Variants in UNC79 observed in about 807,000 individuals in gnomAD.
UNC79 encodes the protein protein unc-79 homolog.
Under a neutral mutation model 283.1 loss-of-function variants are expected in UNC79, and 37 were observed. The ratio of observed to expected loss-of-function variants is 0.13; its 90% CI spans 0.10 to 0.17. The LOEUF (loss-of-function observed/expected upper bound fraction) is 0.17. UNC79 is among the 10% of genes least tolerant of loss of function. UNC79 has a pLI of 1.00. For missense variants in UNC79, 2,272 were observed against 3,211.1 expected, an observed-to-expected ratio of 0.71 and a Z score of 7.07; for synonymous variants, 1,107 against 1,200.2, an observed-to-expected ratio of 0.92 and a Z score of 1.61.
intron 30 of UNC79, among the ~76,000 whole-genome samples, chr14:93,629,443 A>G (rs1361591970): frequency 6.6e-6 from 1 of 152,186 alleles, no homozygotes; most frequent in African/African-American, 2.4e-5. Flanking sequence ...GACCTTTACT[A>G]TCTTAATGGC....
chr14:93,428,167 A>G (rs528429738), upstream of UNC79, among the ~76,000 whole-genome samples: 1 of 152,298 alleles, frequency 6.6e-6, no homozygotes, highest in South Asian at 2.1e-4. Context: ...CAGGTAGGGT[A>G]GTGAGGAAAT....
intron 7 of UNC79, among the ~76,000 whole-genome samples, chr14:93,501,519 C>T (rs1331408018): frequency 6.6e-6 from 1 of 151,950 alleles, no homozygotes; most frequent in African/African-American, 2.4e-5. Flanking sequence ...GAAACCCCAT[C>T]TCTACTAAAA....
intron 29 of UNC79, among the ~76,000 whole-genome samples, chr14:93,620,172 C>T (rs1457664366): frequency 6.6e-6 from 1 of 152,170 alleles, no homozygotes; most frequent in Non-Finnish European, 1.5e-5. Context: ...TTCATGAGAT[C>T]CGTAATAGTT....
intron 32 of UNC79, among the ~76,000 whole-genome samples, chr14:93,637,903 T>C (rs995322863): frequency 1.3e-5 from 2 of 152,226 alleles, no homozygotes; most frequent in Non-Finnish European, 2.9e-5. Context: ...CTAATCTGTA[T>C]TTTTTTCTAG....
intron 17 of UNC79, among the ~76,000 whole-genome samples, chr14:93,576,568 T>C (rs1466364030): frequency 1.3e-5 from 2 of 152,162 alleles, no homozygotes; most frequent in South Asian, 2.1e-4. Flanking sequence ...TATAGTATTA[T>C]GGGAAAGCTT....
At chr14:93,540,566 G>A in intron 12 of UNC79, 94 bp from the exon 13 acceptor site, 2 of 1,372,278 alleles carry the variant, frequency 1.5e-6, no homozygotes, top group South Asian at 2.7e-5. Flanking sequence ...AATCCAGGAT[G>A]CTTGAGTACT....
chr14:93,474,908 A>G lies in UNC79; in HGVS notation c.448+515A>G, dbSNP rs2057713188. Among the ~76,000 whole-genome samples, 1 of 152,232 alleles carries G rather than the reference A, an allele frequency of 6.6e-6. No individual in the cohort carries two copies. Among genetic ancestry groups the G allele is most frequent in the African/African-American group, 2.4e-5 (1 of 41,470 alleles). On this transcript the variant is annotated intron_variant, in intron 3 of 48. Transcript: ENST00000555664. The surrounding 1 kb of genome is among the most constrained non-coding windows in gnomAD (Gnocchi z 4.1). ...ACTCTTCCAAATGTAAACAACAATCAATAGTTATTACAAAATGTTGTATCA... is the reference window on the plus strand; with the variant it reads ...ACTCTTCCAAATGTAAACAACAATCGATAGTTATTACAAAATGTTGTATCA...
intron 1 of UNC79, among the ~76,000 whole-genome samples, chr14:93,344,086 C>T (rs889632146): frequency 6.6e-6 from 1 of 152,040 alleles, no homozygotes; most frequent in South Asian, 2.1e-4. Context: ...TCACCACTGT[C>T]GAAAGTGTTT....
chr14:93,527,877 C>A (rs536337137), intron 8 of UNC79, among the ~76,000 whole-genome samples: 1 of 151,898 alleles, frequency 6.6e-6, no homozygotes, highest in East Asian at 1.9e-4. Flanking sequence ...TGATGATCAA[C>A]TGTGAAATTA....
intron 1 of UNC79, among the ~76,000 whole-genome samples, chr14:93,450,489 A>G (rs1397199937): frequency 1.3e-5 from 2 of 152,172 alleles, no homozygotes; most frequent in Non-Finnish European, 2.9e-5. Context: ...TCTTTCTCCC[A>G]GGAGAAAGGA....
intron 1 of UNC79, among the ~76,000 whole-genome samples, chr14:93,404,130 T>A (rs2055167181): frequency 6.6e-6 from 1 of 152,052 alleles, no homozygotes. Flanking sequence ...TAATTAGCTG[T>A]TGACCAAGAG....
intron 47 of UNC79, among the ~76,000 whole-genome samples, chr14:93,701,406 A>G (rs576174761): frequency 5.6e-4 from 85 of 152,338 alleles, no homozygotes; most frequent in African/African-American, 2.0e-3. Flanking sequence ...AAATGAGTAC[A>G]GTCCAACCAG....
chr14:93,662,452 A>G lies in UNC79; in HGVS notation c.6526-152A>G, dbSNP rs2071697612. The G allele has an allele frequency of 1.3e-5, 7 of 525,766 alleles. No homozygotes were observed. In the East Asian group the frequency reaches 1.8e-4, roughly 13 times the overall value. The allele number at this position is 525,766 out of a possible 1,614,324, so 32.6% of individuals were successfully genotyped here. The stretch of plus-strand genomic sequence containing the variant: ...CTGAAGGTGCAGTTCTGTTTTTATT[A>G]GACCAATGGGGTTGCTACAGGAGCC... On this transcript the variant is annotated intron_variant, in intron 39 of 48. Coordinates refer to ENST00000555664, the Ensembl canonical transcript of UNC79.
chr14:93,636,660 A>G (rs993055809), intron 31 of UNC79, among the ~76,000 whole-genome samples: 5 of 152,080 alleles, frequency 3.3e-5, no homozygotes, highest in African/African-American at 1.2e-4. Flanking sequence ...CCACCCATGC[A>G]TGGCGCCATG....
chr14:93,511,735 G>A (rs558640143), intron 7 of UNC79, among the ~76,000 whole-genome samples: 6 of 152,226 alleles, frequency 3.9e-5, no homozygotes, highest in Non-Finnish European at 8.8e-5. Flanking sequence ...ATGAGCCACC[G>A]TGCATGACCA....
chr14:93,459,249 C>T (rs2056878112), intron 1 of UNC79, among the ~76,000 whole-genome samples: 1 of 152,218 alleles, frequency 6.6e-6, no homozygotes, highest in South Asian at 2.1e-4. Context: ...GCTGGGATTA[C>T]AGGCATGAGC....
chr14:93,602,812 T>A (rs1255877517), intron 25 of UNC79, among the ~76,000 whole-genome samples: 1 of 152,102 alleles, frequency 6.6e-6, no homozygotes, highest in Non-Finnish European at 1.5e-5. Context: ...GGCTAATTTT[T>A]CCTTTTTTGT....
intron 1 of UNC79, among the ~76,000 whole-genome samples, chr14:93,455,808 A>T (rs948812807): frequency 1.3e-5 from 2 of 152,134 alleles, no homozygotes; most frequent in Admixed American, 6.6e-5. Context: ...TCATGACTTT[A>T]TCCACGTTCT....
chr14:93,392,601 G>A (rs373531227), intron 1 of UNC79, among the ~76,000 whole-genome samples: 1 of 152,280 alleles, frequency 6.6e-6, no homozygotes, highest in East Asian at 1.9e-4. Context: ...ATTCAAACAA[G>A]CTAAAGAAGT....
Sources: allele counts gnomAD v4.1 joint callset (sites outside exome capture counted in the v4.1 genomes callset), GRCh38; gene constraint gnomAD v4.1.1; non-coding constraint Gnocchi (gnomAD v3.1); transcripts MANE v1.5; gene names NCBI Gene and HGNC (gene_info 2026-07-23, HGNC 2026-07-21).